CAMTA1: variants seen among roughly 807,000 people sequenced by gnomAD.
CAMTA1 encodes the protein calmodulin-binding transcription activator 1.
In CAMTA1, 27 loss-of-function variants were observed where a neutral mutation model predicts 170.9. The ratio of observed to expected loss-of-function variants is 0.16; its 90% CI spans 0.12 to 0.22. The LOEUF is 0.22. Among genes scored for constraint, CAMTA1 ranks in the 10% least tolerant of loss-of-function variants. The pLI, the probability that CAMTA1 is intolerant of heterozygous loss-of-function variation, is 1.00. For synonymous variants in CAMTA1, 833 were observed against 891.5 expected, an observed-to-expected ratio of 0.93 and a Z score of 1.17; for missense variants, 1,619 against 2,217.2, an observed-to-expected ratio of 0.73 and a Z score of 5.42.
chr1:7,347,265 G>A (rs1281845172), intron 5 of CAMTA1, among the ~76,000 whole-genome samples: 1 of 152,172 alleles, frequency 6.6e-6, no homozygotes, highest in East Asian at 1.9e-4. Context: ...TGTTCCATCG[G>A]GAAGGGGCTT....
chr1:6,992,286 C>T (rs754553082), intron 3 of CAMTA1, among the ~76,000 whole-genome samples: 3 of 148,494 alleles, frequency 2.0e-5, no homozygotes, highest in African/African-American at 5.0e-5. Context: ...TGCCTAGGCT[C>T]GACTTGAACT....
intron 3 of CAMTA1, among the ~76,000 whole-genome samples, chr1:6,990,337 A>C (rs1458487048): frequency 6.6e-6 from 1 of 152,212 alleles, no homozygotes; most frequent in Non-Finnish European, 1.5e-5. Context: ...AACGTAAAGA[A>C]GAGTTGAATT....
chr1:7,149,112 C>A (rs1187009847), intron 4 of CAMTA1, among the ~76,000 whole-genome samples: 1 of 152,194 alleles, frequency 6.6e-6, no homozygotes, highest in Non-Finnish European at 1.5e-5. Context: ...GTAGGGGCTT[C>A]TCTGGGGGTG....
intron 2 of CAMTA1, among the ~76,000 whole-genome samples, chr1:6,823,254 G>A (rs889280506): frequency 5.8e-4 from 89 of 152,196 alleles, no homozygotes; most frequent in African/African-American, 2.0e-3. Context: ...ATGGCCCGTG[G>A]AACCTCCCTC....
At chr1:7,611,248 C>A (rs11577471) in intron 6 of CAMTA1, among the ~76,000 whole-genome samples, 2,575 of 152,134 alleles carry the variant, frequency 0.017, 73 homozygotes, top group African/African-American at 0.059. Context: ...TTATTTATCA[C>A]GTTGATATTT....
intron 9 of CAMTA1, among the ~76,000 whole-genome samples, chr1:7,668,301 C>T (rs150364324): frequency 1.3e-5 from 2 of 152,038 alleles, no homozygotes; most frequent in East Asian, 3.9e-4. Flanking sequence ...CCTGCTGTCT[C>T]TTCTCTGAGT....
chr1:6,798,380 C>T (rs1426553492), intron 1 of CAMTA1, among the ~76,000 whole-genome samples: 1 of 152,118 alleles, frequency 6.6e-6, no homozygotes, highest in Non-Finnish European at 1.5e-5. Flanking sequence ...AAGTTATGGG[C>T]TATTATTATT....
chr1:6,904,632 C>T (rs1402765099), intron 3 of CAMTA1, among the ~76,000 whole-genome samples: 1 of 149,600 alleles, frequency 6.7e-6, no homozygotes, highest in Non-Finnish European at 1.5e-5. Context: ...CAACATAGCT[C>T]ACAGCAGCCG....
At chr1:6,895,857 G>C (rs1394136201) in intron 3 of CAMTA1, among the ~76,000 whole-genome samples, 1 of 150,510 alleles carries the variant, frequency 6.6e-6, no homozygotes, top group Admixed American at 6.7e-5. Flanking sequence ...TTTTTTCGTA[G>C]CATTTATTAC....
chr1:7,519,988 G>A lies in CAMTA1; in HGVS notation c.510+52087G>A, dbSNP rs1288230082. On this transcript the variant is annotated intron_variant, in intron 6 of 22. Coordinates refer to ENST00000303635, the MANE Select transcript of CAMTA1 (RefSeq NM_015215.4). The stretch of plus-strand genomic sequence containing the variant: ...CACAGTCCACAGCACCATCAGAACG[G>A]GAGCTTCTAAAACACATCACTCCAT... Among the ~76,000 whole-genome samples the A allele has an allele frequency of 7.9e-5, 12 of 150,986 alleles. No individual in the cohort carries two copies. In the South Asian group the frequency reaches 2.3e-3, roughly 29 times the overall value.
chr1:7,689,369 T>C (rs1576894910), intron 11 of CAMTA1, among the ~76,000 whole-genome samples: 1 of 145,740 alleles, frequency 6.9e-6, no homozygotes, highest in African/African-American at 2.6e-5. Context: ...AGGTCAGGAG[T>C]TCAAGACCTG....
intron 3 of CAMTA1, among the ~76,000 whole-genome samples, chr1:6,924,761 G>A (rs1161858296): frequency 2.0e-5 from 3 of 152,182 alleles, no homozygotes; most frequent in South Asian, 2.1e-4. Flanking sequence ...ATTGGAAGCC[G>A]GAGTGCCTAT....
At chr1:7,498,678 C>T (rs976505723) in intron 6 of CAMTA1, among the ~76,000 whole-genome samples, 13 of 144,144 alleles carry the variant, frequency 9.0e-5, no homozygotes, top group Admixed American at 7.0e-4. Context: ...ACATTGAGTG[C>T]ATGCATATGT....
chr1:7,011,757 C>T (rs1481694034), intron 3 of CAMTA1, among the ~76,000 whole-genome samples: 2 of 152,200 alleles, frequency 1.3e-5, no homozygotes, highest in Non-Finnish European at 2.9e-5. Flanking sequence ...AGAAACTCTG[C>T]CCACCTGTCA....
intron 4 of CAMTA1, among the ~76,000 whole-genome samples, chr1:7,139,573 C>T (rs977618145): frequency 2.0e-5 from 3 of 152,076 alleles, no homozygotes; most frequent in Non-Finnish European, 2.9e-5. Context: ...TTGCCCACTT[C>T]ACACCCTTCA....
intron 16 of CAMTA1, among the ~76,000 whole-genome samples, chr1:7,744,392 A>G (rs1349645688): frequency 6.6e-6 from 1 of 152,190 alleles, no homozygotes; most frequent in African/African-American, 2.4e-5. Flanking sequence ...TCGGCCTCCC[A>G]AAGTGCTGGG....
rs2096949526 is a variant in CAMTA1 at position 7,758,637 on chromosome 1, T to C, written c.4989+2969T>C. ...TATAGTCGTGGAAATTATGTTAAGATAAAATACTTATTTTTGGGCCGGGCG... is the reference window on the plus strand; with the variant it reads ...TATAGTCGTGGAAATTATGTTAAGACAAAATACTTATTTTTGGGCCGGGCG... On this transcript the variant is annotated intron_variant, in intron 22 of 22. Transcript: ENST00000303635. 2.0e-5 allele frequency among the ~76,000 whole-genome samples: 3 copies of C among 152,314 alleles called. No homozygotes were observed. In the South Asian group the frequency reaches 6.2e-4, roughly 32 times the overall value.
intron 11 of CAMTA1, among the ~76,000 whole-genome samples, chr1:7,715,858 A>G (rs894495759): frequency 4.6e-5 from 7 of 152,214 alleles, no homozygotes; most frequent in Non-Finnish European, 8.8e-5. Flanking sequence ...GAATCCTCAC[A>G]AGCATCCTGA....
Position 7,007,947 on chromosome 1 carries a change from T to C in CAMTA1, c.235-83357T>C, listed in dbSNP as rs1557962493. On this transcript the variant is annotated intron_variant, in intron 3 of 22. Transcript: ENST00000303635. The surrounding 1 kb of genome is among the most constrained non-coding windows in gnomAD (Gnocchi z 4.5). ...TCCATACAATTGAGTGACAGAGCCC[T>C]GCGTGGAAAGGGAGGCCCGTGTTGG... 1.3e-5 allele frequency among the ~76,000 whole-genome samples: 2 copies of C among 152,104 alleles called. No individual in the cohort carries two copies. The highest frequency in any genetic ancestry group is 2.9e-5 in the Non-Finnish European group (2 of 68,012).
Sources: gnomAD v4.1 joint callset for allele counts (sites outside exome capture counted in the v4.1 genomes callset) on GRCh38, gnomAD v4.1.1 for gene constraint, Gnocchi (gnomAD v3.1) non-coding constraint, MANE v1.5 for transcripts, NCBI Gene and HGNC (gene_info 2026-07-23, HGNC 2026-07-21) for gene names.